The following UGDH variants were observed in gnomAD, a reference collection of about 807,000 sequenced individuals.
UGDH encodes the protein UDP-glucose 6-dehydrogenase, also known as UDP-Glc dehydrogenase.
A neutral mutation model predicts 50.6 loss-of-function variants in UGDH; 38 were observed. That is an observed-to-expected ratio of 0.75 (90% CI 0.58 to 0.98). UGDH has a LOEUF of 0.98. Among genes scored for constraint, UGDH ranks in the 50% least tolerant of loss-of-function variants. The pLI, the probability that UGDH is intolerant of heterozygous loss-of-function variation, is 0.00. For synonymous variants in UGDH, 168 were observed against 199.9 expected (o/e 0.84, Z 1.35); for missense variants, 465 against 606.2 (o/e 0.77, Z 2.45).
intron 6 of UGDH, 55 bp downstream of exon 6, chr4:39,509,705 A>G: frequency 2.6e-6 from 4 of 1,560,530 alleles, no homozygotes; most frequent in South Asian, 2.4e-5. Flanking sequence ...AGCAAATAAT[A>G]TGCCTTCAGT....
chr4:39,527,166 C>A, intron 1 of UGDH, 117 bp downstream of exon 1: 1 of 1,275,072 alleles, frequency 7.8e-7, no homozygotes, highest in Non-Finnish European at 1.0e-6. Context: ...GCCCGGGACC[C>A]AGCGCAGCGA....
intron 2 of UGDH, among the ~76,000 whole-genome samples, chr4:39,518,004 C>T (rs1746501426): frequency 6.6e-6 from 1 of 152,202 alleles, no homozygotes; most frequent in African/African-American, 2.4e-5. Flanking sequence ...ACTCGGCTCA[C>T]TGCAACCTCC....
In UGDH at chr4:39,508,662, T is replaced by A; in HGVS notation, c.812-2A>T. The A allele has an allele frequency of 1.3e-6, 2 of 1,584,654 alleles. No homozygotes were observed. Among genetic ancestry groups the A allele is most frequent in the South Asian group, 1.2e-5 (1 of 85,824 alleles). On this transcript the variant is annotated splice_acceptor_variant, in intron 6 of 11. Coordinates refer to ENST00000316423, the MANE Select transcript of UGDH (RefSeq NM_003359.4). LOFTEE classifies it high-confidence loss of function. ...TTTGGAAACAGCTCCCACCAAACCC[T>A]GCAGAAAGAAAAAAATGAACAATAT... is the stretch of plus-strand genomic sequence containing the variant.
chr4:39,525,392 C>T (rs1746834122), intron 1 of UGDH, among the ~76,000 whole-genome samples: 1 of 152,052 alleles, frequency 6.6e-6, no homozygotes. Context: ...CGGGGTTTCA[C>T]CATATTGGTC....
Position 39,505,388 on chromosome 4 carries a change from T to C in UGDH, c.1038-18A>G. ...AAGATTCTCTATAGGAAAAAAAAAA[T>C]CAGTATTGGTAAGCTTTATGTGGCA... On this transcript the variant is annotated intron_variant, in intron 8 of 11. Coordinates refer to ENST00000316423, the MANE Select transcript of UGDH (RefSeq NM_003359.4). 6.7e-7 allele frequency: 1 copy of C among 1,492,038 alleles called. No homozygotes were observed. The highest frequency in any genetic ancestry group is 9.0e-7 in the Non-Finnish European group (1 of 1,116,220). The allele number at this position is 1,492,038 out of a possible 1,614,324, so 92.4% of individuals were successfully genotyped here.
chr4:39,506,088 A>G (rs560635237), intron 7 of UGDH, among the ~76,000 whole-genome samples: 2 of 151,926 alleles, frequency 1.3e-5, no homozygotes, highest in Non-Finnish European at 2.9e-5. Context: ...AAAATTAGCC[A>G]GGCAAGGTGG....
In UGDH at chr4:39,527,428, C is replaced by A. The variant is rs972122624; in HGVS notation, c.-153G>T. ...GGCGCACGCCCCTCCCTCAGGCTGC[C>A]ACGCGTTACACTCTGAGTCCCGGGC... On this transcript the variant is annotated 5_prime_UTR_variant, in exon 1 of 12. Coordinates refer to ENST00000316423, the MANE Select transcript of UGDH (RefSeq NM_003359.4). 2 of 233,980 alleles carry A rather than the reference C, an allele frequency of 8.5e-6. No homozygotes were observed. Among genetic ancestry groups the A allele is most frequent in the Non-Finnish European group, 1.8e-5 (2 of 114,136 alleles). The allele number at this position is 233,980 out of a possible 1,614,324, so 14.5% of individuals were successfully genotyped here.
intron 2 of UGDH, 76 bp from the exon 3 acceptor site, chr4:39,514,260 A>G (rs1285775828): frequency 1.7e-6 from 2 of 1,153,434 alleles, no homozygotes; most frequent in East Asian, 4.8e-5. Flanking sequence ...ATAGAATTAC[A>G]TTTGTTAAAG....
rs202114945 is a variant in UGDH, at chr4:39,517,204, A to AT, written c.163-3021dup. On this transcript the variant is annotated intron_variant, in intron 2 of 11. Transcript: ENST00000316423. The stretch of plus-strand genomic sequence containing the variant: ...TTTTTTTTAAAGTAGTTACTACTAA[A>AT]TTTTTTTTTTTTTTTTTGAGACAGA... 2.6e-3 allele frequency among the ~76,000 whole-genome samples: 367 copies of AT among 141,246 alleles called. 1 individual carries two copies. The highest frequency in any genetic ancestry group is 4.0e-3 in the South Asian group (18 of 4,492). The allele number at this position is 141,246 out of a possible 152,430, so 92.7% of individuals were successfully genotyped here.
chr4:39,519,905 T>C (rs1043260200), intron 2 of UGDH, among the ~76,000 whole-genome samples: 11 of 152,338 alleles, frequency 7.2e-5, no homozygotes, highest in African/African-American at 2.6e-4. Flanking sequence ...ACTATTAGTC[T>C]ATAGATGCTT....
chr4:39,515,554 GTATAAAAC>G (rs923420447), intron 2 of UGDH, among the ~76,000 whole-genome samples: 2 of 151,442 alleles, frequency 1.3e-5, no homozygotes, highest in African/African-American at 4.9e-5. Context: ...ATATGGAGGG[GTATAAAAC>G]CACTTAACAA....
At position 39,505,695 on chromosome 4, in the gene UGDH, A is replaced by G. The variant is rs139784498; in HGVS notation, c.960T>C (p.Asp320=). ...TATCAGTTACTGTATTAAACAGACTATCTATGATCCGGGAAGCAAACCTCC... is the reference window on the plus strand; with the variant it reads ...TATCAGTTACTGTATTAAACAGACTGTCTATGATCCGGGAAGCAAACCTCC... The part of the protein sequence containing the change: ...QRRRFASRII[D]SLFNTVTDKK... The change falls in exon 8 of 12, where the codon GAT becomes GAC. Residue 320 remains aspartate, a synonymous_variant. Transcript: ENST00000316423. 89 of 1,610,670 alleles carry G rather than the reference A, an allele frequency of 5.5e-5. No homozygotes were observed. Among genetic ancestry groups the G allele is most frequent in the Non-Finnish European group, 7.4e-5 (87 of 1,178,082 alleles).
At chr4:39,504,060 G>A in intron 10 of UGDH, 75 bp from the exon 11 acceptor site, 1 of 1,293,194 alleles carries the variant, frequency 7.7e-7, no homozygotes, top group Non-Finnish European at 1.1e-6. Flanking sequence ...TGTAATCCCA[G>A]CACTTTGGGA....
At chr4:39,503,306 C>G (rs1428263104) in intron 11 of UGDH, among the ~76,000 whole-genome samples, 1 of 152,170 alleles carries the variant, frequency 6.6e-6, no homozygotes, top group East Asian at 1.9e-4. Flanking sequence ...TCCACAGCCT[C>G]CCAAAGTGCT....
chr4:39,520,197 G>C (rs569305319), intron 2 of UGDH, among the ~76,000 whole-genome samples: 98 of 152,242 alleles, frequency 6.4e-4, no homozygotes, highest in African/African-American at 2.3e-3. Context: ...AAATTAGCTG[G>C]GAGTGGTGGT....
intron 7 of UGDH, among the ~76,000 whole-genome samples, chr4:39,506,862 T>C (rs1462152710): frequency 6.6e-6 from 1 of 152,178 alleles, no homozygotes; most frequent in Non-Finnish European, 1.5e-5. Context: ...GTTTTCACTT[T>C]AAAATGTGCA....
intron 2 of UGDH, among the ~76,000 whole-genome samples, chr4:39,514,672 ATTTAT>A (rs1009548681): frequency 8.1e-5 from 12 of 147,818 alleles, no homozygotes; most frequent in African/African-American, 2.3e-4. Flanking sequence ...TGCCCAGCCC[ATTTAT>A]TTTATTTTAT....
At chr4:39,527,155 A>C in intron 1 of UGDH, 128 bp downstream of exon 1, 2 of 1,282,464 alleles carry the variant, frequency 1.6e-6, no homozygotes, top group Non-Finnish European at 2.0e-6. Context: ...TGAGACGGGA[A>C]GCCCGGGACC....
intron 2 of UGDH, among the ~76,000 whole-genome samples, chr4:39,514,691 A>T (rs201263262): frequency 0.036 from 5,040 of 138,134 alleles, 150 homozygotes; most frequent in African/African-American, 0.082. Context: ...ATTTTATTTT[A>T]TTTTTTTTTG....
Sources: allele counts gnomAD v4.1 joint callset (sites outside exome capture counted in the v4.1 genomes callset), GRCh38; gene constraint gnomAD v4.1.1; transcripts MANE v1.5; gene names NCBI Gene and HGNC (gene_info 2026-07-23, HGNC 2026-07-21).